LONRF2: variants seen among roughly 807,000 people sequenced by gnomAD.
The protein encoded by LONRF2 is LON peptidase N-terminal domain and ring finger 2, also known as LON peptidase N-terminal domain and RING finger protein 2.
A neutral mutation model predicts 66.6 loss-of-function variants in LONRF2; 35 were observed. The ratio of observed to expected loss-of-function variants is 0.53; its 90% CI spans 0.40 to 0.70. The LOEUF (loss-of-function observed/expected upper bound fraction) is 0.70. Ranked by LOEUF, LONRF2 falls within the 30% of genes least tolerant of loss-of-function variation. The pLI, the probability that LONRF2 is intolerant of heterozygous loss-of-function variation, is 0.00. For missense variants in LONRF2, 902 were observed against 1,002.1 expected, an observed-to-expected ratio of 0.90 and a Z score of 1.35; for synonymous variants, 417 against 418.1, an observed-to-expected ratio of 1.00 and a Z score of 0.03.
chr2:100,302,655 T>C (rs1216398907), intron 3 of LONRF2, among the ~76,000 whole-genome samples: 1 of 152,240 alleles, frequency 6.6e-6, no homozygotes, highest in Admixed American at 6.5e-5. Context: ...TAACCTTGCC[T>C]AACATGTGTC....
rs1386281598 is a variant in LONRF2, at chr2:100,290,440, A to C, written c.1758-20T>G. The C allele has an allele frequency of 6.3e-7, 1 of 1,586,680 alleles. No individual in the cohort carries two copies. Among genetic ancestry groups the C allele is most frequent in the Non-Finnish European group, 8.6e-7 (1 of 1,167,858 alleles). Reference sequence around the variant, plus strand: ...GAAAGCCTGAAAAGACAGTTAGGAGAAATGACTGTGATTTTTAAAATGCAG... The same window carrying C: ...GAAAGCCTGAAAAGACAGTTAGGAGCAATGACTGTGATTTTTAAAATGCAG... On this transcript the variant is annotated intron_variant, in intron 9 of 11. Coordinates refer to ENST00000393437, the MANE Select transcript of LONRF2 (RefSeq NM_198461.4).
In LONRF2 at chr2:100,322,039, G is replaced by A; in HGVS notation, c.55C>T (p.Arg19Cys). ...AAGCGCTGGGCGATCGGCTCCGCGC[G>A]GTCGCAGCCAGGACACTGGGGCGGC... Reference protein sequence around the residue: ...PPPPQCPGCDRAEPIAQRLEE... With the variant: ...PPPPQCPGCDCAEPIAQRLEE... Residue 19 changes from arginine to cysteine, a missense_variant, in exon 1 of 12, where the codon CGC becomes TGC. By Grantham distance (180) the Arg-to-Cys change is radical (BLOSUM62 -3). Transcript: ENST00000393437. 2 of 1,350,958 alleles carry A rather than the reference G, an allele frequency of 1.5e-6. No homozygotes were observed. Among genetic ancestry groups the A allele is most frequent in the Non-Finnish European group, 9.5e-7 (1 of 1,052,042 alleles). 83.7% of individuals were successfully genotyped at this position (1,350,958 alleles called of 1,614,324 possible).
In LONRF2 at chr2:100,317,737, G is replaced by GT. The variant is rs144090023; in HGVS notation, c.679+3677dup. On this transcript the variant is annotated intron_variant, in intron 1 of 11. Coordinates refer to ENST00000393437, the MANE Select transcript of LONRF2 (RefSeq NM_198461.4). ...TTTTCAGGTAAAGAATTCCAGCTAG[G>GT]TTTTTTTTTTCTTTCAGCACTTTAA... 8.0e-3 allele frequency among the ~76,000 whole-genome samples: 1,195 copies of GT among 149,826 alleles called. 8 individuals carry two copies. Among genetic ancestry groups the GT allele is most frequent in the African/African-American group, 0.025 (1,036 of 40,998 alleles).
intron 7 of LONRF2, among the ~76,000 whole-genome samples, chr2:100,296,953 T>G (rs1470222347): frequency 1.3e-5 from 2 of 152,136 alleles, no homozygotes; most frequent in Non-Finnish European, 2.9e-5. Flanking sequence ...TTGGATTTTA[T>G]TTCACTTTAT....
chr2:100,313,007 A>G (rs1573125861), intron 1 of LONRF2, among the ~76,000 whole-genome samples: 1 of 152,242 alleles, frequency 6.6e-6, no homozygotes, highest in South Asian at 2.1e-4. Context: ...GGGAAAAGTC[A>G]TAAGAGGGCA....
At position 100,283,590 on chromosome 2, in the gene LONRF2, T is replaced by TAC. The variant is rs1248602463; in HGVS notation, c.*707_*708insGT. The TAC allele has an allele frequency of 2.6e-5, 4 of 151,800 alleles. No homozygotes were observed. Among genetic ancestry groups the TAC allele is most frequent in the African/African-American group, 7.3e-5 (3 of 41,292 alleles). The allele number at this position is 151,800 out of a possible 1,614,324, so 9.4% of individuals were successfully genotyped here. A position where few individuals can be genotyped will look rare whatever the true frequency, so the allele number is the denominator to read the frequency against. On this transcript the variant is annotated 3_prime_UTR_variant, in exon 12 of 12. Coordinates refer to ENST00000393437, the MANE Select transcript of LONRF2 (RefSeq NM_198461.4). ...TATTGTGTGTAAATATATATATATATATCCTCAAGTGAATGATACTGTTCT... is the reference window on the plus strand; with the variant it reads ...TATTGTGTGTAAATATATATATATATACATCCTCAAGTGAATGATACTGTTCT...
chr2:100,289,430 C>CTTTTT (rs10543662), intron 10 of LONRF2, among the ~76,000 whole-genome samples: 11 of 77,092 alleles, frequency 1.4e-4, no homozygotes, highest in South Asian at 5.8e-4. Context: ...ACAATAAGGT[C>CTTTTT]TTTTTTTTTT....
Position 100,322,491 on chromosome 2 carries a change from C to G in LONRF2, c.-398G>C, listed in dbSNP as rs1408639700. The stretch of plus-strand genomic sequence containing the variant: ...TGCTTCCCCCACTCGCCTGAGGGCT[C>G]CTGCGCGACTGCGCGCGCGTCCTCT... On this transcript the variant is annotated 5_prime_UTR_variant, in exon 1 of 12. Coordinates refer to ENST00000393437, the MANE Select transcript of LONRF2 (RefSeq NM_198461.4). 6.3e-6 allele frequency: 1 copy of G among 158,356 alleles called. No individual in the cohort carries two copies. The highest frequency in any genetic ancestry group is 1.4e-5 in the Non-Finnish European group (1 of 72,288). 9.8% of individuals were successfully genotyped at this position (158,356 alleles called of 1,614,324 possible).
At position 100,276,679 on chromosome 2, in the gene LONRF2, A is replaced by G. The variant is rs1220764369; in HGVS notation, c.*7619T>C. 6.6e-6 allele frequency: 1 copy of G among 152,172 alleles called. No homozygotes were observed. The highest frequency in any genetic ancestry group is 1.5e-5 in the Non-Finnish European group (1 of 68,042). 9.4% of individuals were successfully genotyped at this position (152,172 alleles called of 1,614,324 possible). ...GTGTGCCTCATGGTGGATTACTACA[A>G]CCTTATTGCTGCAGTCCCATCCATT... is the stretch of plus-strand genomic sequence containing the variant. On this transcript the variant is annotated 3_prime_UTR_variant, in exon 12 of 12. Transcript: ENST00000393437.
Position 100,284,277 on chromosome 2 carries a change from A to C in LONRF2, c.*21T>G. On this transcript the variant is annotated 3_prime_UTR_variant, in exon 12 of 12. Coordinates refer to ENST00000393437, the MANE Select transcript of LONRF2 (RefSeq NM_198461.4). The stretch of plus-strand genomic sequence containing the variant: ...TTTATAAAAGCACAAGGGCTGCCAG[A>C]AACCTTGACAGAGAGAAAAATCAAT... 1.4e-6 allele frequency: 2 copies of C among 1,479,248 alleles called. No individual in the cohort carries two copies. The highest frequency in any genetic ancestry group is 1.8e-6 in the Non-Finnish European group (2 of 1,106,820). 91.6% of individuals were successfully genotyped at this position (1,479,248 alleles called of 1,614,324 possible). A position where few individuals can be genotyped will look rare whatever the true frequency, so the allele number is the denominator to read the frequency against.
At chr2:100,292,320 G>A (rs1674978762) in intron 9 of LONRF2, among the ~76,000 whole-genome samples, 1 of 152,200 alleles carries the variant, frequency 6.6e-6, no homozygotes. Context: ...GAGCCTGTGT[G>A]TGATGCAAAC....
intron 1 of LONRF2, among the ~76,000 whole-genome samples, chr2:100,312,973 G>A (rs536472591): frequency 6.6e-6 from 1 of 152,286 alleles, no homozygotes. Context: ...CATTTCAGTA[G>A]GTTCACCAAT....
chr2:100,287,097 A>G (rs1238862613), intron 10 of LONRF2, 34 bp from the exon 11 acceptor site: 1 of 1,603,782 alleles, frequency 6.2e-7, no homozygotes, highest in African/African-American at 1.3e-5. Context: ...TGTGTGAACC[A>G]TTCACAGTAA....
At chr2:100,309,272 A>G (rs747812762) in intron 1 of LONRF2, 47 bp from the exon 2 acceptor site, 12 of 1,218,058 alleles carry the variant, frequency 9.9e-6, no homozygotes, top group Non-Finnish European at 1.3e-5. Flanking sequence ...CTGCATTTAA[A>G]AACAAGTAAT....
chr2:100,316,263 G>A lies in LONRF2; in HGVS notation c.679+5152C>T, dbSNP rs181884184. ...GAACCTGGGAGGCAGAGCTTGCAGC[G>A]TGCTGAGATCGTGCCACTGCACTCC... On this transcript the variant is annotated intron_variant, in intron 1 of 11. Coordinates refer to ENST00000393437, the MANE Select transcript of LONRF2 (RefSeq NM_198461.4). Among the ~76,000 whole-genome samples, 222 of 146,150 alleles carry A rather than the reference G, an allele frequency of 1.5e-3. 3 individuals carry two copies. The highest frequency in any genetic ancestry group is 5.3e-3 in the African/African-American group (204 of 38,304).
At chr2:100,317,663 A>C (rs978350850) in intron 1 of LONRF2, among the ~76,000 whole-genome samples, 1 of 152,140 alleles carries the variant, frequency 6.6e-6, no homozygotes, top group Non-Finnish European at 1.5e-5. Flanking sequence ...AAAATCCTTT[A>C]GCTTGAGTTA....
At chr2:100,294,175 G>T in intron 9 of LONRF2, 54 bp downstream of exon 9, 1 of 1,581,346 alleles carries the variant, frequency 6.3e-7, no homozygotes, top group South Asian at 1.2e-5. Context: ...CAAGAAAAAT[G>T]ACAAACGATG....
Position 100,298,912 on chromosome 2 carries a change from G to A in LONRF2, c.1400C>T (p.Thr467Ile), listed in dbSNP as rs914256443. Residue 467 changes from threonine to isoleucine, a missense_variant, in exon 7 of 12, where the codon ACA becomes ATA. Around this residue, in one of 2 missense-constraint regions of LONRF2, gnomAD observed 317 missense variants for 432.2 expected, o/e 0.73. Coordinates refer to ENST00000393437, the MANE Select transcript of LONRF2 (RefSeq NM_198461.4). Reference sequence around the variant, plus strand: ...GCGCTCAAGGCATTTTAGGCAAAATGTGTGTCCACAGGGCGTAGTGACAGG... The same window carrying A: ...GCGCTCAAGGCATTTTAGGCAAAATATGTGTCCACAGGGCGTAGTGACAGG... ...FEPVTTPCGH[T>I]FCLKCLERCL... 20 of 1,614,014 alleles carry A rather than the reference G, an allele frequency of 1.2e-5. No homozygotes were observed. Among genetic ancestry groups the A allele is most frequent in the Non-Finnish European group, 1.7e-5 (20 of 1,179,994 alleles).
In LONRF2 at chr2:100,284,058, T is replaced by G; in HGVS notation, c.*240A>C. The G allele has an allele frequency of 2.5e-6, 1 of 399,552 alleles. No individual in the cohort carries two copies. The highest frequency in any genetic ancestry group is 4.5e-6 in the Non-Finnish European group (1 of 222,612). The allele number at this position is 399,552 out of a possible 1,614,324, so 24.8% of individuals were successfully genotyped here. A position where few individuals can be genotyped will look rare whatever the true frequency, so the allele number is the denominator to read the frequency against. On this transcript the variant is annotated 3_prime_UTR_variant, in exon 12 of 12. Transcript: ENST00000393437. ...CCCCAAGCACCTGCTTCTAAGAGATTTTCTTAGGTTGTTTTCCAACTATGG... is the reference window on the plus strand; with the variant it reads ...CCCCAAGCACCTGCTTCTAAGAGATGTTCTTAGGTTGTTTTCCAACTATGG...
Sources: gnomAD v4.1 joint callset for allele counts (sites outside exome capture counted in the v4.1 genomes callset) on GRCh38, gnomAD v4.1.1 for gene constraint, gnomAD v4.1.1 regional missense constraint, MANE v1.5 for transcripts, NCBI Gene and HGNC (gene_info 2026-07-23, HGNC 2026-07-21) for gene names.